The following SORCS1 variants were observed in gnomAD, a reference collection of about 807,000 sequenced individuals.
SORCS1 encodes the protein VPS10 domain-containing receptor SorCS1.
Under a neutral mutation model 146.1 loss-of-function variants are expected in SORCS1, and 60 were observed. That is an observed-to-expected ratio of 0.41 (90% CI 0.33 to 0.51). SORCS1 has a LOEUF of 0.51. Ranked by LOEUF, SORCS1 falls within the 20% of genes least tolerant of loss-of-function variation. The pLI, the probability that SORCS1 is intolerant of heterozygous loss-of-function variation, is 0.21. For missense variants in SORCS1, 1,352 were observed against 1,487.6 expected, an observed-to-expected ratio of 0.91 and a Z score of 1.50; for synonymous variants, 637 against 584.0, an observed-to-expected ratio of 1.09 and a Z score of -1.31.
chr10:107,166,133 A>C (rs533624260), upstream of SORCS1, among the ~76,000 whole-genome samples: 3 of 152,352 alleles, frequency 2.0e-5, no homozygotes, highest in South Asian at 6.2e-4. Context: ...ATGAATATTT[A>C]CTGATTGAAT....
intron 2 of SORCS1, among the ~76,000 whole-genome samples, chr10:106,859,007 G>A (rs1369249771): frequency 6.6e-6 from 1 of 152,188 alleles, no homozygotes; most frequent in Non-Finnish European, 1.5e-5. Flanking sequence ...AGTAGTCCAG[G>A]TAAATTTACT....
chr10:107,005,331 G>A (rs1361773575), intron 1 of SORCS1, among the ~76,000 whole-genome samples: 1 of 151,704 alleles, frequency 6.6e-6, no homozygotes, highest in Admixed American at 6.6e-5. Flanking sequence ...GTCTCTTTCG[G>A]GGGCGGGGGG....
intron 1 of SORCS1, among the ~76,000 whole-genome samples, chr10:107,118,117 G>T (rs1409658038): frequency 6.6e-6 from 1 of 152,092 alleles, no homozygotes; most frequent in East Asian, 1.9e-4. Context: ...AGGTGTATAG[G>T]TCATGAGGGC....
intron 1 of SORCS1, among the ~76,000 whole-genome samples, chr10:107,155,806 T>C (rs1590262381): frequency 6.6e-6 from 1 of 152,118 alleles, no homozygotes; most frequent in East Asian, 1.9e-4. Flanking sequence ...GAGGCGTCAA[T>C]CTATTGGTTC....
In SORCS1 at chr10:106,648,139, C is replaced by T. The variant is rs75766598; in HGVS notation, c.2475+4243G>A. Among the ~76,000 whole-genome samples, 968 of 152,120 alleles carry T rather than the reference C, an allele frequency of 6.4e-3. 14 individuals are homozygous for T. The highest frequency in any genetic ancestry group is 0.021 in the African/African-American group (881 of 41,526). On this transcript the variant is annotated intron_variant, in intron 18 of 25. Transcript: ENST00000263054. ...GGCCTCCCAAAATGTTGGGATCCAC[C>T]GCACCATTCCTATATCTACCATTTT...
intron 4 of SORCS1, among the ~76,000 whole-genome samples, chr10:106,765,049 T>C (rs1859459371): frequency 6.8e-6 from 1 of 147,392 alleles, no homozygotes; most frequent in Admixed American, 6.8e-5. Flanking sequence ...AAAAAAGCCA[T>C]TCTTGGGTTT....
intron 2 of SORCS1, among the ~76,000 whole-genome samples, chr10:106,868,067 T>C (rs2418827): frequency 0.11 from 16,823 of 152,086 alleles, 1,652 homozygotes; most frequent in East Asian, 0.3. Flanking sequence ...TCAGACAAAA[T>C]AGATTTTAAA....
At chr10:106,653,086 C>T (rs1018148166) in intron 17 of SORCS1, among the ~76,000 whole-genome samples, 13 of 152,160 alleles carry the variant, frequency 8.5e-5, no homozygotes, top group African/African-American at 3.1e-4. Context: ...TCTACTCAGT[C>T]TTTCATGAGA....
intron 2 of SORCS1, among the ~76,000 whole-genome samples, chr10:106,880,194 T>C (rs1428146125): frequency 6.6e-6 from 1 of 152,196 alleles, no homozygotes; most frequent in African/African-American, 2.4e-5. Context: ...TCTTTAGGTA[T>C]GAGAGTTCCA....
chr10:107,056,305 T>C (rs937862650), intron 1 of SORCS1, among the ~76,000 whole-genome samples: 2 of 152,202 alleles, frequency 1.3e-5, no homozygotes, highest in Admixed American at 6.5e-5. Context: ...GAACAAGTCA[T>C]TTACTGAACT....
At chr10:106,687,792 C>T (rs965131203) in intron 10 of SORCS1, among the ~76,000 whole-genome samples, 15 of 152,186 alleles carry the variant, frequency 9.9e-5, no homozygotes, top group African/African-American at 2.2e-4. Context: ...TACACCTACA[C>T]GACTCTGCAT....
At chr10:107,009,488 G>T (rs1280376077) in intron 1 of SORCS1, among the ~76,000 whole-genome samples, 2 of 152,136 alleles carry the variant, frequency 1.3e-5, no homozygotes, top group African/African-American at 4.8e-5. Context: ...CTACTTTTCT[G>T]TTTCTCCTTA....
chr10:106,917,428 G>A (rs568305182), intron 2 of SORCS1, among the ~76,000 whole-genome samples: 2 of 152,240 alleles, frequency 1.3e-5, no homozygotes, highest in Admixed American at 6.5e-5. Flanking sequence ...TCTGCATCAA[G>A]GCTCTATATC....
At chr10:106,879,000 A>T (rs1474447327) in intron 2 of SORCS1, among the ~76,000 whole-genome samples, 2 of 151,872 alleles carry the variant, frequency 1.3e-5, no homozygotes, top group African/African-American at 2.4e-5. Flanking sequence ...ACAAAAAAAA[A>T]GTAGCCGGAC....
At chr10:107,145,690 A>C (rs939505179) in intron 1 of SORCS1, among the ~76,000 whole-genome samples, 1 of 152,208 alleles carries the variant, frequency 6.6e-6, no homozygotes, top group African/African-American at 2.4e-5. Context: ...AGACAATTCA[A>C]ATTTTGTTCC....
chr10:107,170,178 TTC>T, the SORCS1 span, among the ~76,000 whole-genome samples: 22 of 152,330 alleles, frequency 1.4e-4, no homozygotes, highest in African/African-American at 4.8e-4. Context: ...AACTTCTGTG[TTC>T]TCTGTTTTCT....
At chr10:107,054,421 A>C (rs781184063) in intron 1 of SORCS1, among the ~76,000 whole-genome samples, 1 of 152,186 alleles carries the variant, frequency 6.6e-6, no homozygotes, top group Non-Finnish European at 1.5e-5. Context: ...AAGAATGGGA[A>C]AAAATGGACC....
intron 22 of SORCS1, among the ~76,000 whole-genome samples, chr10:106,608,915 T>A (rs1181461502): frequency 6.6e-6 from 1 of 152,152 alleles, no homozygotes; most frequent in African/African-American, 2.4e-5. Flanking sequence ...GGACTTTACA[T>A]AACTGCACCA....
chr10:107,018,881 T>C (rs1040969378), intron 1 of SORCS1, among the ~76,000 whole-genome samples: 15 of 152,214 alleles, frequency 9.9e-5, no homozygotes, highest in African/African-American at 3.4e-4. Flanking sequence ...TTTTTAAAAC[T>C]GAAAGAAAAA....
Sources: gnomAD v4.1 joint callset for allele counts (sites outside exome capture counted in the v4.1 genomes callset) on GRCh38, gnomAD v4.1.1 for gene constraint, MANE v1.5 for transcripts, NCBI Gene and HGNC (gene_info 2026-07-23, HGNC 2026-07-21) for gene names.